Variants in ESR1 observed in about 807,000 individuals in gnomAD.
The protein encoded by ESR1 is estrogen receptor 1.
A neutral mutation model predicts 52.7 loss-of-function variants in ESR1; 12 were observed. The observed-to-expected ratio is 0.23, with a 90% confidence interval of 0.15 to 0.37. The LOEUF is 0.37. Among genes scored for constraint, ESR1 ranks in the 10% least tolerant of loss-of-function variants. The pLI is 1.00. For synonymous variants in ESR1, 305 were observed against 316.8 expected, an observed-to-expected ratio of 0.96 and a Z score of 0.39; for missense variants, 584 against 779.7, an observed-to-expected ratio of 0.75 and a Z score of 2.99.
chr6:151,736,521 A>T (rs2982555), intron 2 of ESR1, among the ~76,000 whole-genome samples: 2 of 151,584 alleles, frequency 1.3e-5, no homozygotes, highest in Non-Finnish European at 2.9e-5. Flanking sequence ...TACAGGCACA[A>T]GCCACCAAGC....
At chr6:152,078,980 A>G (rs1202156869) in intron 6 of ESR1, among the ~76,000 whole-genome samples, 7 of 152,230 alleles carry the variant, frequency 4.6e-5, no homozygotes, top group African/African-American at 1.7e-4. Context: ...GCAGCAGGGA[A>G]GCTTGAACTG....
At chr6:151,881,335 A>G (rs1792877268) in intron 3 of ESR1, among the ~76,000 whole-genome samples, 1 of 152,166 alleles carries the variant, frequency 6.6e-6, no homozygotes, top group African/African-American at 2.4e-5. Context: ...ATTACTGAGC[A>G]CTACACTAAC....
chr6:152,086,121 C>G (rs937073869), intron 6 of ESR1, among the ~76,000 whole-genome samples: 1 of 152,202 alleles, frequency 6.6e-6, no homozygotes. Context: ...GTGGAACCTT[C>G]TGCAAACTCC....
chr6:151,766,674 T>C (rs539746556), intron 2 of ESR1, among the ~76,000 whole-genome samples: 1 of 151,990 alleles, frequency 6.6e-6, no homozygotes, highest in East Asian at 1.9e-4. Context: ...TAAGAAAAAA[T>C]TTACAGTTTT....
chr6:151,792,528 C>A (rs946785827), intron 2 of ESR1, among the ~76,000 whole-genome samples: 9 of 151,910 alleles, frequency 5.9e-5, no homozygotes, highest in Non-Finnish European at 1.2e-4. Flanking sequence ...CAACATTGAA[C>A]TCCTAGGCTT....
intron 2 of ESR1, among the ~76,000 whole-genome samples, chr6:151,798,578 T>G (rs1776933546): frequency 6.6e-6 from 1 of 152,252 alleles, no homozygotes; most frequent in African/African-American, 2.4e-5. Flanking sequence ...TCCAATAATC[T>G]TTCCAGTTCT....
At chr6:151,918,149 A>G (rs1584218348) in intron 3 of ESR1, among the ~76,000 whole-genome samples, 1 of 152,156 alleles carries the variant, frequency 6.6e-6, no homozygotes, top group East Asian at 1.9e-4. Context: ...CAGCATGTGA[A>G]TTGAGTTTTC....
At chr6:151,851,492 A>G (rs1378585710) in intron 2 of ESR1, among the ~76,000 whole-genome samples, 1 of 151,134 alleles carries the variant, frequency 6.6e-6, no homozygotes, top group Non-Finnish European at 1.5e-5. Context: ...ACACAAAAAC[A>G]TTATACTTTT....
chr6:151,812,803 G>A (rs1045291397), intron 1 of ESR1, among the ~76,000 whole-genome samples: 1 of 152,072 alleles, frequency 6.6e-6, no homozygotes, highest in Non-Finnish European at 1.5e-5. Flanking sequence ...AGAACCATAT[G>A]CATACTCCAG....
intron 2 of ESR1, among the ~76,000 whole-genome samples, chr6:151,771,975 CA>C (rs1468519368): frequency 6.6e-6 from 1 of 152,186 alleles, no homozygotes; most frequent in African/African-American, 2.4e-5. Flanking sequence ...CTGCTTTTCT[CA>C]GGAGGTTGTT....
At chr6:151,673,573 A>G (rs1292091763) in intron 1 of ESR1, among the ~76,000 whole-genome samples, 1 of 152,116 alleles carries the variant, frequency 6.6e-6, no homozygotes, top group Admixed American at 6.5e-5. Flanking sequence ...TGAGTTTATC[A>G]ATATAATCTA....
intron 1 of ESR1, among the ~76,000 whole-genome samples, chr6:151,700,199 C>G (rs1779665838): frequency 6.6e-6 from 1 of 152,180 alleles, no homozygotes; most frequent in East Asian, 1.9e-4. Flanking sequence ...CATTTCATTA[C>G]TTTAGATTAG....
intron 1 of ESR1, among the ~76,000 whole-genome samples, chr6:151,834,650 T>C (rs1055548348): frequency 2.0e-5 from 3 of 152,104 alleles, no homozygotes; most frequent in Non-Finnish European, 4.4e-5. Context: ...TATACCTATG[T>C]AACAAACTTG....
At chr6:151,953,920 A>G (rs188461301) in intron 4 of ESR1, among the ~76,000 whole-genome samples, 2,877 of 152,136 alleles carry the variant, frequency 0.019, 85 homozygotes, top group African/African-American at 0.066. Context: ...TAACCTGTAG[A>G]TTTGCTTTGT....
intron 2 of ESR1, among the ~76,000 whole-genome samples, chr6:151,713,612 T>C (rs1780791456): frequency 6.6e-6 from 1 of 152,346 alleles, no homozygotes; most frequent in East Asian, 1.9e-4. Flanking sequence ...CTGGATTTTC[T>C]AGTTTATTTG....
At chr6:151,903,938 A>G (rs755211277) in intron 3 of ESR1, among the ~76,000 whole-genome samples, 25 of 152,220 alleles carry the variant, frequency 1.6e-4, no homozygotes, top group Admixed American at 2.6e-4. Context: ...TTGCTATTTA[A>G]TTCCTAGCAC....
At chr6:151,702,182 G>T (rs1290657794) in intron 2 of ESR1, among the ~76,000 whole-genome samples, 1 of 152,016 alleles carries the variant, frequency 6.6e-6, no homozygotes, top group Non-Finnish European at 1.5e-5. Context: ...CTCTACATGC[G>T]TTGCTTAGGT....
intron 5 of ESR1, among the ~76,000 whole-genome samples, chr6:152,046,531 G>T (rs955879382): frequency 2.0e-5 from 3 of 152,152 alleles, no homozygotes; most frequent in African/African-American, 4.8e-5. Flanking sequence ...ATTGAGTGAG[G>T]TTAGAAGAGA....
chr6:151,993,010 T>C (rs868023797), intron 4 of ESR1, among the ~76,000 whole-genome samples: 5 of 152,088 alleles, frequency 3.3e-5, no homozygotes, highest in Non-Finnish European at 4.4e-5. Context: ...ATGGGGGAGA[T>C]GGGGGAGTCT....
Sources: allele counts gnomAD v4.1 joint callset (sites outside exome capture counted in the v4.1 genomes callset), GRCh38; gene constraint gnomAD v4.1.1; transcripts MANE v1.5; gene names NCBI Gene and HGNC (gene_info 2026-07-23, HGNC 2026-07-21).